TULP4: variants seen among roughly 807,000 people sequenced by gnomAD.
TULP4 encodes tubby-related protein 4.
A neutral mutation model predicts 129.0 loss-of-function variants in TULP4; 16 were observed. The observed-to-expected ratio is 0.12, with a 90% CI of 0.08 to 0.19. The LOEUF is 0.19. Ranked by LOEUF, TULP4 falls within the 10% of genes least tolerant of loss-of-function variation. The pLI, the probability that TULP4 is intolerant of heterozygous loss-of-function variation, is 1.00. For synonymous variants in TULP4, 998 were observed against 854.0 expected (o/e 1.17, Z -2.94); for missense variants, 1,842 against 2,059.1 (o/e 0.89, Z 2.04).
intron 1 of TULP4, among the ~76,000 whole-genome samples, chr6:158,244,156 T>C (rs1777981142): frequency 6.6e-6 from 1 of 152,194 alleles, no homozygotes; most frequent in Non-Finnish European, 1.5e-5. Flanking sequence ...CAGTGTAGGC[T>C]TATTTAGGCT....
chr6:158,242,266 A>G (rs185429325), intron 1 of TULP4: 24 of 1,548,362 alleles, frequency 1.6e-5, no homozygotes, highest in Admixed American at 1.2e-4. Context: ...GCCGTGGTCT[A>G]TCAGTGCACA....
intron 8 of TULP4, among the ~76,000 whole-genome samples, chr6:158,485,546 A>T (rs916226181): frequency 6.6e-6 from 1 of 152,220 alleles, no homozygotes; most frequent in African/African-American, 2.4e-5. Flanking sequence ...GGCCACTAAC[A>T]TGCACTATTC....
intron 5 of TULP4, among the ~76,000 whole-genome samples, chr6:158,453,529 G>A (rs1000658418): frequency 5.1e-4 from 68 of 134,550 alleles, no homozygotes; most frequent in Non-Finnish European, 8.8e-4. Flanking sequence ...GGTAGCTCAC[G>A]CCTGTAATCC....
intron 1 of TULP4, among the ~76,000 whole-genome samples, chr6:158,366,876 C>T (rs1027325303): frequency 2.0e-4 from 31 of 152,198 alleles, no homozygotes; most frequent in African/African-American, 7.5e-4. Flanking sequence ...TTGCCGTATA[C>T]ACAGCAAGAG....
chr6:158,309,708 G>A (rs952269986), upstream of TULP4, among the ~76,000 whole-genome samples: 1 of 152,092 alleles, frequency 6.6e-6, no homozygotes, highest in African/African-American at 2.4e-5. Flanking sequence ...GGCCAACACA[G>A]CGAAACCCCG....
chr6:158,275,941 G>A (rs895794363), intron 1 of TULP4, among the ~76,000 whole-genome samples: 1 of 152,120 alleles, frequency 6.6e-6, no homozygotes, highest in African/African-American at 2.4e-5. Flanking sequence ...TATTGAGCAG[G>A]AGTAAAGACT....
At chr6:158,423,014 C>T (rs756269435) in intron 2 of TULP4, among the ~76,000 whole-genome samples, 13 of 152,026 alleles carry the variant, frequency 8.6e-5, no homozygotes, top group Non-Finnish European at 1.8e-4. Flanking sequence ...TACAGGCTCA[C>T]GCCTGTAATC....
intron 1 of TULP4, among the ~76,000 whole-genome samples, chr6:158,305,241 A>G (rs752375788): frequency 6.6e-6 from 1 of 151,742 alleles, no homozygotes; most frequent in Non-Finnish European, 1.5e-5. Context: ...CACCTAGCAT[A>G]ATGTCCTCAG....
At chr6:158,236,829 T>TTTTTTTTTTTTTTTTTTTTTTTTTA (rs1777718883) in intron 1 of TULP4, among the ~76,000 whole-genome samples, 1 of 114,406 alleles carries the variant, frequency 8.7e-6, no homozygotes, top group Non-Finnish European at 1.8e-5. Context: ...TTTTTTTTTT[T>TTTTTTTTTTTTTTTTTTTTTTTTTA]TTGAGATAGG....
At chr6:158,421,215 A>G (rs953790757) in intron 2 of TULP4, among the ~76,000 whole-genome samples, 8 of 152,114 alleles carry the variant, frequency 5.3e-5, no homozygotes, top group African/African-American at 1.9e-4. Flanking sequence ...CAAAAAAATT[A>G]GCCAGGCGTG....
intron 1 of TULP4, among the ~76,000 whole-genome samples, chr6:158,333,333 C>T (rs184175064): frequency 7.0e-4 from 107 of 152,210 alleles, no homozygotes; most frequent in Middle Eastern, 3.4e-3. Context: ...AGAGCTTGCG[C>T]GAAGAAGAGG....
intron 1 of TULP4, among the ~76,000 whole-genome samples, chr6:158,339,994 C>T (rs1780143446): frequency 6.6e-6 from 1 of 152,202 alleles, no homozygotes; most frequent in Non-Finnish European, 1.5e-5. Context: ...GCTGGTCCCT[C>T]TGTTCGGGGT....
intron 1 of TULP4, among the ~76,000 whole-genome samples, chr6:158,336,413 G>T (rs1157148722): frequency 6.7e-6 from 1 of 148,330 alleles, no homozygotes; most frequent in African/African-American, 2.4e-5. Context: ...TTGCCATGCA[G>T]AAGGTTTAAA....
intron 1 of TULP4, among the ~76,000 whole-genome samples, chr6:158,300,674 G>C (rs1779115826): frequency 6.6e-6 from 1 of 152,160 alleles, no homozygotes; most frequent in South Asian, 2.1e-4. Flanking sequence ...CTTCCCGTTT[G>C]GCAAGTAGCC....
At chr6:158,247,088 A>G (rs1778043703) in intron 1 of TULP4, among the ~76,000 whole-genome samples, 1 of 152,230 alleles carries the variant, frequency 6.6e-6, no homozygotes, top group Non-Finnish European at 1.5e-5. Context: ...TAAAAATTAA[A>G]GACTCAATTT....
At chr6:158,426,915 C>T (rs1778508306) in intron 2 of TULP4, among the ~76,000 whole-genome samples, 1 of 152,042 alleles carries the variant, frequency 6.6e-6, no homozygotes, top group African/African-American at 2.4e-5. Context: ...TTTTGTAGTT[C>T]TCTTTGTAGA....
At chr6:158,350,508 C>T (rs763687562) in intron 1 of TULP4, among the ~76,000 whole-genome samples, 2 of 152,042 alleles carry the variant, frequency 1.3e-5, no homozygotes, top group Non-Finnish European at 2.9e-5. Context: ...GCAGATCACC[C>T]GAGGCCAGGA....
At chr6:158,391,383 G>A (rs919613049) in intron 1 of TULP4, among the ~76,000 whole-genome samples, 11 of 152,170 alleles carry the variant, frequency 7.2e-5, no homozygotes, top group Admixed American at 3.9e-4. Flanking sequence ...AGAGTGCATC[G>A]TGTCACCCAG....
intron 1 of TULP4, among the ~76,000 whole-genome samples, chr6:158,395,217 G>T (rs1472468161): frequency 6.6e-6 from 1 of 152,252 alleles, no homozygotes; most frequent in East Asian, 1.9e-4. Flanking sequence ...ATGTTTCCCT[G>T]GGTTGATCTG....
Sources: allele counts gnomAD v4.1 joint callset (sites outside exome capture counted in the v4.1 genomes callset), GRCh38; gene constraint gnomAD v4.1.1; transcripts MANE v1.5; gene names NCBI Gene and HGNC (gene_info 2026-07-23, HGNC 2026-07-21).